TNFAIP8L3: variants seen among roughly 807,000 people sequenced by gnomAD.
The protein encoded by TNFAIP8L3 is TNF alpha induced protein 8 like 3.
A neutral mutation model predicts 11.8 loss-of-function variants in TNFAIP8L3; 7 were observed. That is an observed-to-expected ratio of 0.59 (90% CI 0.34 to 1.11). The LOEUF is 1.11. Ranked by LOEUF, TNFAIP8L3 falls within the 50% of genes most tolerant of loss-of-function variation. The pLI is 0.03. For missense variants in TNFAIP8L3, 219 were observed against 258.6 expected (o/e 0.85, Z 1.05); for synonymous variants, 98 against 103.8 (o/e 0.94, Z 0.34).
intron 1 of TNFAIP8L3, among the ~76,000 whole-genome samples, chr15:51,076,019 T>C (rs1326087637): frequency 6.6e-6 from 1 of 152,206 alleles, no homozygotes; most frequent in East Asian, 1.9e-4. Flanking sequence ...CTACTTGATT[T>C]TTTTTTTAGT....
At chr15:51,081,149 G>T (rs1397318388) in intron 1 of TNFAIP8L3, among the ~76,000 whole-genome samples, 1 of 152,158 alleles carries the variant, frequency 6.6e-6, no homozygotes, top group Middle Eastern at 3.2e-3. Flanking sequence ...GAGGGCTTGT[G>T]GGGGTGGGTG....
intron 1 of TNFAIP8L3, among the ~76,000 whole-genome samples, chr15:51,100,028 C>T (rs957905094): frequency 6.6e-6 from 1 of 152,192 alleles, no homozygotes; most frequent in Non-Finnish European, 1.5e-5. Context: ...TGGTGATCAC[C>T]AGCAGCCAAC....
chr15:51,072,989 CCTTTTTTTTTTT>C (rs2065321926), intron 1 of TNFAIP8L3, among the ~76,000 whole-genome samples: 2 of 45,752 alleles, frequency 4.4e-5, no homozygotes, highest in South Asian at 1.2e-3. Flanking sequence ...AAACTGGGAT[CCTTTTTTTTTTT>C]TTTTTTTTTT....
At chr15:51,098,517 A>G (rs1675712174), upstream of TNFAIP8L3, among the ~76,000 whole-genome samples, 2 of 152,212 alleles carry the variant, frequency 1.3e-5, no homozygotes, top group Admixed American at 6.5e-5. Flanking sequence ...AGCTAGCTTG[A>G]TATCCATCTA....
intron 1 of TNFAIP8L3, among the ~76,000 whole-genome samples, chr15:51,068,791 C>T (rs925095480): frequency 6.6e-6 from 1 of 151,652 alleles, no homozygotes; most frequent in Admixed American, 6.6e-5. Flanking sequence ...CTCAGCCTCC[C>T]GAGTAAGCTG....
chr15:51,062,348 T>A (rs1392902844), intron 1 of TNFAIP8L3, among the ~76,000 whole-genome samples: 1 of 152,176 alleles, frequency 6.6e-6, no homozygotes, highest in East Asian at 1.9e-4. Flanking sequence ...TGGTCTCAGC[T>A]ACTCAGGAGG....
chr15:51,087,559 A>G (rs886497579), intron 1 of TNFAIP8L3, among the ~76,000 whole-genome samples: 1 of 152,126 alleles, frequency 6.6e-6, no homozygotes, highest in Non-Finnish European at 1.5e-5. Context: ...CAGAAAGCAC[A>G]TTTTACTTCT....
chr15:51,086,444 G>A (rs1031644831), intron 1 of TNFAIP8L3, among the ~76,000 whole-genome samples: 3 of 152,244 alleles, frequency 2.0e-5, no homozygotes, highest in Non-Finnish European at 4.4e-5. Context: ...TGTGGAGGCA[G>A]AATGCCCTCA....
In TNFAIP8L3 at chr15:51,057,954, T is replaced by C. The variant is rs199925961; in HGVS notation, c.542A>G (p.Asp181Gly). The C allele has an allele frequency of 1.1e-4, 182 of 1,613,724 alleles. 1 individual carries two copies. The highest frequency in any genetic ancestry group is 1.3e-4 in the Non-Finnish European group (151 of 1,179,920). Reference sequence around the variant, plus strand: ...CTTGAGGTTGGGCCTACAGTCTCCATCCAGACTATAGAGGGTGGAGAGGAA... The same window carrying C: ...CTTGAGGTTGGGCCTACAGTCTCCACCCAGACTATAGAGGGTGGAGAGGAA... ...VEFLSTLYSL[D>G]GDCRPNLKRI... Residue 181 changes from aspartate (D) to glycine (G), a missense_variant, in exon 2 of 2, where the codon GAT becomes GGT. Transcript: ENST00000637513.
chr15:51,070,965 G>T (rs2065304309), intron 1 of TNFAIP8L3, among the ~76,000 whole-genome samples: 2 of 144,806 alleles, frequency 1.4e-5, no homozygotes, highest in East Asian at 4.3e-4. Flanking sequence ...GCAGGAGAAT[G>T]GCGTGAACCC....
Position 51,076,564 on chromosome 15 carries a change from C to T in TNFAIP8L3, c.52+17980G>A, listed in dbSNP as rs57701350. 1.8e-3 allele frequency among the ~76,000 whole-genome samples: 275 copies of T among 152,300 alleles called. 2 individuals carry two copies. The highest frequency in any genetic ancestry group is 6.0e-3 in the African/African-American group (248 of 41,554). ...TTTCACTGTTTTCCAACCAAATCACCAGGTGTGGTCACTCAAAGATGCTGA... is the reference window on the plus strand; with the variant it reads ...TTTCACTGTTTTCCAACCAAATCACTAGGTGTGGTCACTCAAAGATGCTGA... On this transcript the variant is annotated intron_variant, in intron 1 of 1. Coordinates refer to ENST00000637513, the MANE Select transcript of TNFAIP8L3 (RefSeq NM_001311175.2).
intron 1 of TNFAIP8L3, chr15:51,064,486 ATATATG>A (rs960918416): frequency 6.6e-6 from 1 of 152,072 alleles, no homozygotes; most frequent in African/African-American, 2.4e-5. Flanking sequence ...GAATATATAT[ATATATG>A]TATATGACAT....
intron 1 of TNFAIP8L3, among the ~76,000 whole-genome samples, chr15:51,063,605 A>T (rs1267293375): frequency 6.6e-6 from 1 of 152,194 alleles, no homozygotes; most frequent in African/African-American, 2.4e-5. Context: ...TCCCTTTTAG[A>T]CCAAGGTCCC....
chr15:51,058,092 G>T lies in TNFAIP8L3; in HGVS notation c.404C>A (p.Ser135Tyr). 1 of 1,614,116 alleles carries T rather than the reference G, an allele frequency of 6.2e-7. No individual in the cohort carries two copies. The highest frequency in any genetic ancestry group is 8.5e-7 in the Non-Finnish European group (1 of 1,179,974). Residue 135 changes from serine (S) to tyrosine (Y), a missense_variant, in exon 2 of 2, where the codon TCC (serine) becomes TAC (tyrosine). By Grantham distance (144) the Ser-to-Tyr change is moderately radical. Transcript: ENST00000637513. ...GTCCTTGCACTCATGCAGGAGATTG[G>T]AGAGCACGTTCCTATCGAAGGTGTA... ...VEYTFDRNVL[S>Y]NLLHECKDLV...
At chr15:51,083,800 G>C (rs1473339980) in intron 1 of TNFAIP8L3, among the ~76,000 whole-genome samples, 4 of 152,226 alleles carry the variant, frequency 2.6e-5, no homozygotes, top group Non-Finnish European at 5.9e-5. Context: ...AGGGCAGAAG[G>C]CTGGATCACC....
upstream of TNFAIP8L3, among the ~76,000 whole-genome samples, chr15:51,095,860 G>T (rs2065510579): frequency 6.6e-6 from 1 of 152,102 alleles, no homozygotes; most frequent in Non-Finnish European, 1.5e-5. Flanking sequence ...CAAATTATTG[G>T]CCAGAGCAAA....
At chr15:51,073,099 C>T (rs775700951) in intron 1 of TNFAIP8L3, among the ~76,000 whole-genome samples, 9 of 150,236 alleles carry the variant, frequency 6.0e-5, no homozygotes, top group African/African-American at 9.8e-5. Flanking sequence ...CGGTTTCAAG[C>T]GATTCTTCTG....
chr15:51,058,567 C>G lies in TNFAIP8L3; in HGVS notation c.53-124G>C, dbSNP rs922894756. On this transcript the variant is annotated intron_variant, in intron 1 of 1. Coordinates refer to ENST00000637513, the MANE Select transcript of TNFAIP8L3 (RefSeq NM_001311175.2). The stretch of plus-strand genomic sequence containing the variant: ...AGCAAAAACTCATGTCTTTATATTC[C>G]CTCGCTCCCTAACTAAACCCCACCC... 5 of 892,510 alleles carry G rather than the reference C, an allele frequency of 5.6e-6. No homozygotes were observed. The African/African-American group carries it at 8.4e-5, about 15-fold the overall frequency. 55.3% of individuals were successfully genotyped at this position (892,510 alleles called of 1,614,324 possible). A position where few individuals can be genotyped will look rare whatever the true frequency, so the allele number is the denominator to read the frequency against.
At chr15:51,076,719 A>G (rs979061284) in intron 1 of TNFAIP8L3, among the ~76,000 whole-genome samples, 1 of 152,098 alleles carries the variant, frequency 6.6e-6, no homozygotes, top group African/African-American at 2.4e-5. Flanking sequence ...CAGGAAGTGG[A>G]AGACAGAGCC....
Sources: gnomAD v4.1 joint callset for allele counts (sites outside exome capture counted in the v4.1 genomes callset) on GRCh38, gnomAD v4.1.1 for gene constraint, MANE v1.5 for transcripts, NCBI Gene and HGNC (gene_info 2026-07-23, HGNC 2026-07-21) for gene names.